ARNT2: variants seen among roughly 807,000 people sequenced by gnomAD.
ARNT2 encodes ARNT protein 2.
In ARNT2, 36 loss-of-function variants were observed where a neutral mutation model predicts 91.7. The ratio of observed to expected loss-of-function variants is 0.39; its 90% CI spans 0.30 to 0.52. The LOEUF is 0.52. Ranked by LOEUF, ARNT2 falls within the 20% of genes least tolerant of loss-of-function variation. The pLI, the probability that ARNT2 is intolerant of heterozygous loss-of-function variation, is 0.72. For synonymous variants in ARNT2, 365 were observed against 347.1 expected (o/e 1.05, Z -0.57); for missense variants, 775 against 939.3 (o/e 0.83, Z 2.29).
rs1323969885 is a variant in ARNT2, at chr15:80,483,277, C to T, written c.622+8054C>T. Among the ~76,000 whole-genome samples the T allele has an allele frequency of 2.6e-5, 4 of 151,010 alleles. No individual in the cohort carries two copies. The East Asian group carries it at 7.8e-4, about 30-fold the overall frequency. ...GATGCACATTTTAGTTTGAGAACTG[C>T]TGAACTAAAGAATTTAGCAAATAGT... is the stretch of plus-strand genomic sequence containing the variant. On this transcript the variant is annotated intron_variant, in intron 5 of 18. Transcript: ENST00000303329.
Position 80,457,935 on chromosome 15 carries a change from C to T in ARNT2, c.153C>T (p.Asp51=). ...ARGGKRRSGM[D]FDDEDGEGPS... ...TGTGATCTTGACTTTTCAGAATGGA[C>T]TTCGATGATGAAGATGGTGAAGGCC... Residue 51 remains aspartate (D), a synonymous_variant, in exon 3 of 19, where the codon GAC becomes GAT. Transcript: ENST00000303329. The T allele has an allele frequency of 6.2e-7, 1 of 1,613,912 alleles. No homozygotes were observed. The highest frequency in any genetic ancestry group is 1.3e-5 in the African/African-American group (1 of 75,050).
At chr15:80,571,448 G>T (rs973458864) in intron 12 of ARNT2, among the ~76,000 whole-genome samples, 2 of 152,186 alleles carry the variant, frequency 1.3e-5, no homozygotes, top group African/African-American at 4.8e-5. Context: ...TACCAGCCTG[G>T]TGATTGTGTT....
At chr15:80,518,355 A>G (rs1320083880) in intron 8 of ARNT2, among the ~76,000 whole-genome samples, 10 of 131,076 alleles carry the variant, frequency 7.6e-5, no homozygotes, top group Non-Finnish European at 1.5e-4. Flanking sequence ...ATCTCAGCTC[A>G]CTGCAACCTC....
At chr15:80,491,233 A>G (rs1897052294) in intron 5 of ARNT2, among the ~76,000 whole-genome samples, 1 of 152,190 alleles carries the variant, frequency 6.6e-6, no homozygotes, top group African/African-American at 2.4e-5. Context: ...GAAGAAAAAG[A>G]GGTTTCATGG....
At chr15:80,498,710 A>T (rs1196666182) in intron 5 of ARNT2, among the ~76,000 whole-genome samples, 1 of 152,240 alleles carries the variant, frequency 6.6e-6, no homozygotes, top group Admixed American at 6.5e-5. Context: ...GAATAAAGAC[A>T]TACACAGAAA....
At chr15:80,553,935 A>G (rs2094959074) in intron 10 of ARNT2, among the ~76,000 whole-genome samples, 1 of 152,162 alleles carries the variant, frequency 6.6e-6, no homozygotes, top group African/African-American at 2.4e-5. Context: ...TTTGTTTCCA[A>G]ATTCACCCCA....
At chr15:80,413,206 C>T (rs1004240653) in intron 1 of ARNT2, among the ~76,000 whole-genome samples, 1 of 152,266 alleles carries the variant, frequency 6.6e-6, no homozygotes, top group Non-Finnish European at 1.5e-5. Context: ...TGACTGGGCT[C>T]TCCATGCCAA....
chr15:80,444,106 G>A (rs1896243063), intron 1 of ARNT2, among the ~76,000 whole-genome samples: 2 of 152,230 alleles, frequency 1.3e-5, no homozygotes, highest in East Asian at 1.9e-4. Flanking sequence ...TGTTCTTCAC[G>A]CCCATTTCAA....
At chr15:80,495,385 C>T (rs1050418803) in intron 5 of ARNT2, among the ~76,000 whole-genome samples, 4 of 152,202 alleles carry the variant, frequency 2.6e-5, no homozygotes, top group Non-Finnish European at 5.9e-5. Flanking sequence ...TGAGGTGTCT[C>T]TCTTTTCCTG....
intron 8 of ARNT2, among the ~76,000 whole-genome samples, chr15:80,541,778 T>C (rs1205602767): frequency 6.6e-6 from 1 of 152,244 alleles, no homozygotes; most frequent in African/African-American, 2.4e-5. Flanking sequence ...TGACAATATG[T>C]AGATTGCACA....
In ARNT2 at chr15:80,553,779, G is replaced by T. The variant is rs530083320; in HGVS notation, c.1089+1005G>T. Among the ~76,000 whole-genome samples, 9 of 152,262 alleles carry T rather than the reference G, an allele frequency of 5.9e-5. No individual in the cohort carries two copies. In the South Asian group the frequency reaches 1.7e-3, roughly 28 times the overall value. ...ATTTATTCTGAGCAACTACGTTTGG[G>T]ATATGTAGATATGAGTATTTTAATG... On this transcript the variant is annotated intron_variant, in intron 10 of 18. Coordinates refer to ENST00000303329, the MANE Select transcript of ARNT2 (RefSeq NM_014862.4).
intron 1 of ARNT2, among the ~76,000 whole-genome samples, chr15:80,411,362 TG>T (rs1895678377): frequency 6.6e-6 from 1 of 152,232 alleles, no homozygotes; most frequent in Admixed American, 6.5e-5. Flanking sequence ...AGTAGGGTTT[TG>T]TTAATGAATA....
intron 15 of ARNT2, 145 bp downstream of exon 15, chr15:80,577,110 T>C: frequency 1.3e-6 from 1 of 749,090 alleles, no homozygotes; most frequent in Non-Finnish European, 2.2e-6. Flanking sequence ...AGGATTCTGG[T>C]GGCTCTGCTT....
intron 5 of ARNT2, among the ~76,000 whole-genome samples, chr15:80,492,863 T>C (rs1897076539): frequency 6.6e-6 from 1 of 152,268 alleles, no homozygotes. Flanking sequence ...GAGGTTATTT[T>C]CTTTTTATTA....
intron 4 of ARNT2, among the ~76,000 whole-genome samples, chr15:80,471,980 A>AAT (rs1896738239): frequency 6.9e-6 from 1 of 145,742 alleles, no homozygotes; most frequent in South Asian, 2.5e-4. Context: ...CAAGTTGGCA[A>AAT]ATACTCTAAG....
rs560227882 is a variant in ARNT2, at chr15:80,563,010, A to C, written c.1165-78A>C. 3.9e-6 allele frequency: 6 copies of C among 1,543,684 alleles called. No individual in the cohort carries two copies. The African/African-American group carries it at 6.8e-5, about 17-fold the overall frequency. On this transcript the variant is annotated intron_variant, in intron 11 of 18. Transcript: ENST00000303329. The stretch of plus-strand genomic sequence containing the variant: ...TCCTGCTGGCCCCTGCCGCAACCCC[A>C]CTGCCTGCAGCTTCTCCCTCCTCCC...
At chr15:80,549,392 A>G (rs1161155215) in intron 8 of ARNT2, among the ~76,000 whole-genome samples, 1 of 152,188 alleles carries the variant, frequency 6.6e-6, no homozygotes, top group Non-Finnish European at 1.5e-5. Flanking sequence ...AAATTTTTGA[A>G]ATTTTTAAAT....
At chr15:80,408,204 A>G (rs1367000077) in intron 1 of ARNT2, among the ~76,000 whole-genome samples, 1 of 152,230 alleles carries the variant, frequency 6.6e-6, no homozygotes, top group African/African-American at 2.4e-5. Context: ...TGTTGAACTG[A>G]TTGGATATCT....
chr15:80,450,082 G>A (rs948712127), intron 1 of ARNT2, among the ~76,000 whole-genome samples: 1 of 152,202 alleles, frequency 6.6e-6, no homozygotes, highest in Non-Finnish European at 1.5e-5. Flanking sequence ...AAGAGAGACT[G>A]CTTAGTGTGG....
Sources: gnomAD v4.1 joint callset for allele counts (sites outside exome capture counted in the v4.1 genomes callset) on GRCh38, gnomAD v4.1.1 for gene constraint, MANE v1.5 for transcripts, NCBI Gene and HGNC (gene_info 2026-07-23, HGNC 2026-07-21) for gene names.